RPRD1A: variants seen among roughly 807,000 people sequenced by gnomAD.
The protein encoded by RPRD1A is regulation of nuclear pre-mRNA domain containing 1A.
Under a neutral mutation model 37.8 loss-of-function variants are expected in RPRD1A, and 9 were observed. The ratio of observed to expected loss-of-function variants is 0.24; its 90% confidence interval spans 0.14 to 0.42. The LOEUF is 0.42. RPRD1A is among the 10% of genes least tolerant of loss of function. The pLI is 1.00. For synonymous variants in RPRD1A, 138 were observed against 139.7 expected, an observed-to-expected ratio of 0.99 and a Z score of 0.08; for missense variants, 255 against 371.0, an observed-to-expected ratio of 0.69 and a Z score of 2.57.
At chr18:36,025,537 T>C (rs1772384629) in intron 6 of RPRD1A, 1 of 773,620 alleles carries the variant, frequency 1.3e-6, no homozygotes, top group African/African-American at 1.8e-5. Context: ...TGAGAAAGTA[T>C]AAAGCAGAAT....
At chr18:36,023,131 T>C (rs1911123746) in intron 6 of RPRD1A, among the ~76,000 whole-genome samples, 1 of 152,254 alleles carries the variant, frequency 6.6e-6, no homozygotes, top group East Asian at 1.9e-4. Context: ...ATACATTTCG[T>C]AAGGCTATAT....
intron 1 of RPRD1A, chr18:36,062,912 T>C (rs1161533318): frequency 2.0e-5 from 3 of 152,178 alleles, no homozygotes; most frequent in African/African-American, 7.2e-5. Context: ...TAGTATACTT[T>C]GAATGGATAA....
chr18:36,016,560 C>T (rs1910593420), intron 6 of RPRD1A, among the ~76,000 whole-genome samples: 1 of 152,158 alleles, frequency 6.6e-6, no homozygotes, highest in Admixed American at 6.5e-5. Context: ...AGCATGAAAA[C>T]CATATCTCCT....
chr18:35,993,290 C>T lies in RPRD1A; in HGVS notation c.800G>A (p.Arg267His), dbSNP rs149833712. The change falls in exon 7 of 7, where the codon CGC becomes CAC. Residue 267 changes from arginine (R) to histidine (H), a missense_variant. By Grantham distance (29) the Arg-to-His change is conservative (BLOSUM62 0). Coordinates refer to ENST00000399022, the MANE Select transcript of RPRD1A (RefSeq NM_018170.5). ...EKEHKLEEYK[R>H]KLARVSLVRK... ...CACCAGGGAAACTCTGGCTAGCTTG[C>T]GCTTGTACTCCTGTAACATCAAACC... The T allele has an allele frequency of 6.3e-5, 101 of 1,613,960 alleles. No homozygotes were observed. Among genetic ancestry groups the T allele is most frequent in the African/African-American group, 9.3e-5 (7 of 74,906 alleles).
At chr18:36,062,413 G>A (rs528580380) in intron 1 of RPRD1A, among the ~76,000 whole-genome samples, 39 of 147,640 alleles carry the variant, frequency 2.6e-4, no homozygotes, top group African/African-American at 9.3e-4. Context: ...ATTCCCATAT[G>A]ACCCAGAAAT....
chr18:36,062,524 G>A (rs914554532), intron 1 of RPRD1A, among the ~76,000 whole-genome samples: 1 of 151,364 alleles, frequency 6.6e-6, no homozygotes, highest in African/African-American at 2.4e-5. Context: ...GCCAAAAAGC[G>A]GAAACAACTC....
chr18:36,004,113 G>A (rs745543417), intron 6 of RPRD1A, among the ~76,000 whole-genome samples: 1 of 148,350 alleles, frequency 6.7e-6, no homozygotes, highest in East Asian at 2.0e-4. Flanking sequence ...TTACAGGCAT[G>A]AGCCACTGCA....
intron 6 of RPRD1A, among the ~76,000 whole-genome samples, chr18:36,018,738 TAAGTATATA>T (rs1029914108): frequency 6.6e-6 from 1 of 151,990 alleles, no homozygotes; most frequent in Non-Finnish European, 1.5e-5. Context: ...ACATGAAAAC[TAAGTATATA>T]AAGTATTAAT....
intron 6 of RPRD1A, among the ~76,000 whole-genome samples, chr18:36,019,627 T>C (rs142920183): frequency 6.4e-3 from 978 of 152,344 alleles, no homozygotes; most frequent in Middle Eastern, 0.017. Context: ...ATTTATATGA[T>C]AGAGCAAACT....
At chr18:36,011,735 C>T (rs956258957) in intron 6 of RPRD1A, among the ~76,000 whole-genome samples, 5 of 152,004 alleles carry the variant, frequency 3.3e-5, no homozygotes, top group African/African-American at 1.2e-4. Context: ...CTTCCACAAA[C>T]AAAAAAGCTC....
At chr18:36,027,148 C>G (rs1415105102) in intron 5 of RPRD1A, 36 bp downstream of exon 5, 1 of 1,612,782 alleles carries the variant, frequency 6.2e-7, no homozygotes, top group Non-Finnish European at 8.5e-7. Flanking sequence ...CATCCCAACT[C>G]CCAAAAAAGT....
chr18:36,026,825 G>C (rs1911401387), intron 6 of RPRD1A, 75 bp downstream of exon 6: 1 of 1,406,498 alleles, frequency 7.1e-7, no homozygotes, highest in Non-Finnish European at 9.6e-7. Context: ...TGTGCACATA[G>C]ATTAAAATAT....
intron 6 of RPRD1A, among the ~76,000 whole-genome samples, chr18:36,001,169 A>T (rs1447457222): frequency 6.6e-6 from 1 of 152,210 alleles, no homozygotes; most frequent in Non-Finnish European, 1.5e-5. Context: ...GAAAAGGCAG[A>T]AACAGGCTAG....
intron 6 of RPRD1A, among the ~76,000 whole-genome samples, chr18:36,013,049 G>T (rs1256330237): frequency 1.3e-5 from 2 of 152,108 alleles, no homozygotes; most frequent in Admixed American, 6.5e-5. Context: ...GGCGGGGTTG[G>T]TGTGCTGGCA....
chr18:36,033,347 T>C (rs1476541789), intron 2 of RPRD1A, among the ~76,000 whole-genome samples: 1 of 147,078 alleles, frequency 6.8e-6, no homozygotes, highest in African/African-American at 2.5e-5. Context: ...GTACTAAGTG[T>C]ATATGGAAAT....
rs567224951 is a variant in RPRD1A, at chr18:35,989,886, AAAG to A, written c.*3262_*3264del. On this transcript the variant is annotated 3_prime_UTR_variant, in exon 7 of 7. Transcript: ENST00000399022. ...TCTTATACTGTCATCAGATACAGCC[AAAG>A]AAGAACGGGTAAACAAACAGGGAAA... 5 of 152,386 alleles carry A rather than the reference AAAG, an allele frequency of 3.3e-5. No individual in the cohort carries two copies. In the East Asian group the frequency reaches 9.6e-4, roughly 29 times the overall value. The allele number at this position is 152,386 out of a possible 1,614,324, so 9.4% of individuals were successfully genotyped here. A position where few individuals can be genotyped will look rare whatever the true frequency, so the allele number is the denominator to read the frequency against.
intron 4 of RPRD1A, among the ~76,000 whole-genome samples, chr18:36,029,788 C>CAT (rs1025762309): frequency 6.6e-5 from 10 of 151,762 alleles, no homozygotes; most frequent in African/African-American, 2.4e-4. Flanking sequence ...TGTATGAACA[C>CAT]ATATATATCA....
chr18:36,015,149 CACACACACATAT>C (rs1910435372), intron 6 of RPRD1A, among the ~76,000 whole-genome samples: 1 of 133,148 alleles, frequency 7.5e-6, no homozygotes, highest in Admixed American at 8.1e-5. Flanking sequence ...CACACACACA[CACACACACATAT>C]ATACACATAT....
chr18:35,993,798 G>C (rs1003178940), intron 6 of RPRD1A, among the ~76,000 whole-genome samples: 15 of 152,252 alleles, frequency 9.9e-5, no homozygotes, highest in African/African-American at 3.4e-4. Context: ...CTCCCAGTGG[G>C]AGGGTTTTAT....
Sources: gnomAD v4.1 joint callset for allele counts (sites outside exome capture counted in the v4.1 genomes callset) on GRCh38, gnomAD v4.1.1 for gene constraint, MANE v1.5 for transcripts, NCBI Gene and HGNC (gene_info 2026-07-23, HGNC 2026-07-21) for gene names.